Variants in CADM1 observed in about 807,000 individuals in gnomAD.
CADM1 encodes the protein cell adhesion molecule 1, also known as TSLC-1.
Under a neutral mutation model 53.1 loss-of-function variants are expected in CADM1, and 15 were observed. The observed-to-expected ratio is 0.28, with a 90% confidence interval of 0.19 to 0.44. The LOEUF is 0.44. CADM1 is among the 20% of genes least tolerant of loss of function. The pLI is 1.00. For synonymous variants in CADM1, 281 were observed against 243.0 expected (o/e 1.16, Z -1.45); for missense variants, 434 against 611.3 (o/e 0.71, Z 3.06).
At chr11:115,199,702 T>C (rs1244015802) in intron 8 of CADM1, among the ~76,000 whole-genome samples, 1 of 152,220 alleles carries the variant, frequency 6.6e-6, no homozygotes, top group Non-Finnish European at 1.5e-5. Context: ...CCCAGGCACA[T>C]TCCTTCTACG....
chr11:115,320,187 C>T (rs1340225316), intron 1 of CADM1, among the ~76,000 whole-genome samples: 2 of 152,070 alleles, frequency 1.3e-5, no homozygotes, highest in African/African-American at 4.8e-5. Flanking sequence ...CTCAGGCTCC[C>T]GAGCAGCTGG....
chr11:115,290,316 T>C (rs1364829162), intron 1 of CADM1, among the ~76,000 whole-genome samples: 1 of 152,200 alleles, frequency 6.6e-6, no homozygotes, highest in Non-Finnish European at 1.5e-5. Flanking sequence ...AGCAGGGTAT[T>C]TTTAAATTAG....
Position 115,174,781 on chromosome 11 carries a change from C to T in CADM1, c.*1693G>A. Reference sequence around the variant, plus strand: ...TATATAGATCTATCTTTTTTGATGCCATCTTTCCATAGGGACTGTTAGCTG... The same window carrying T: ...TATATAGATCTATCTTTTTTGATGCTATCTTTCCATAGGGACTGTTAGCTG... On this transcript the variant is annotated 3_prime_UTR_variant, in exon 12 of 12. Coordinates refer to ENST00000331581, the MANE Select transcript of CADM1 (RefSeq NM_001301043.2). The T allele has an allele frequency of 1.1e-6, 1 of 922,930 alleles. No individual in the cohort carries two copies. Among genetic ancestry groups the T allele is most frequent in the Non-Finnish European group, 1.3e-6 (1 of 773,492 alleles). 57.2% of individuals were successfully genotyped at this position (922,930 alleles called of 1,614,324 possible).
rs566995570 is a variant in CADM1, at chr11:115,184,035, G to A, written c.1166-5260C>T. Among the ~76,000 whole-genome samples the A allele has an allele frequency of 9.9e-5, 15 of 152,240 alleles. No homozygotes were observed. In the South Asian group the frequency reaches 2.1e-3, roughly 21 times the overall value. On this transcript the variant is annotated intron_variant, in intron 10 of 11. Coordinates refer to ENST00000331581, the MANE Select transcript of CADM1 (RefSeq NM_001301043.2). ...AGTTTAATTACAAACTCTCAGAATC[G>A]GTGTTTGTAATGGAAATGCTGCCTC...
At chr11:115,433,039 C>T (rs192403139) in intron 1 of CADM1, among the ~76,000 whole-genome samples, 126 of 152,266 alleles carry the variant, frequency 8.3e-4, no homozygotes, top group Non-Finnish European at 1.5e-3. Context: ...AGTTCAAGAT[C>T]CCTTTAATAG....
At chr11:115,326,246 A>G (rs1381253356) in intron 1 of CADM1, among the ~76,000 whole-genome samples, 1 of 152,210 alleles carries the variant, frequency 6.6e-6, no homozygotes, top group Non-Finnish European at 1.5e-5. Flanking sequence ...AATCATTATC[A>G]ACACTGATTT....
In CADM1 at chr11:115,238,488, T is replaced by C; in HGVS notation, c.424+12A>G. On this transcript the variant is annotated intron_variant, in intron 3 of 11. Coordinates refer to ENST00000331581, the MANE Select transcript of CADM1 (RefSeq NM_001301043.2). Reference sequence around the variant, plus strand: ...TCCATTTCCCCGGGTAAGCCCCACATGCGTTTCTTACCCAGGACTGTGATG... The same window carrying C: ...TCCATTTCCCCGGGTAAGCCCCACACGCGTTTCTTACCCAGGACTGTGATG... 3.7e-6 allele frequency: 6 copies of C among 1,613,742 alleles called. No homozygotes were observed. The highest frequency in any genetic ancestry group is 5.1e-6 in the Non-Finnish European group (6 of 1,179,698).
intron 1 of CADM1, among the ~76,000 whole-genome samples, chr11:115,502,480 C>T (rs1373657329): frequency 1.3e-5 from 2 of 151,978 alleles, no homozygotes; most frequent in African/African-American, 4.8e-5. Flanking sequence ...CTTTCAGGAA[C>T]ATTTTATTGA....
intron 1 of CADM1, among the ~76,000 whole-genome samples, chr11:115,329,217 G>A (rs1945066896): frequency 6.6e-6 from 1 of 152,074 alleles, no homozygotes. Flanking sequence ...TAATTAGAAA[G>A]TGTACCTGGA....
chr11:115,369,026 T>TAAAAAAAAAAAAAAAAAAAAAAAAAA (rs552309443), intron 1 of CADM1, among the ~76,000 whole-genome samples: 3 of 44,746 alleles, frequency 6.7e-5, no homozygotes, highest in South Asian at 1.3e-3. Context: ...AAAAAAAATC[T>TAAAAAAAAAAAAAAAAAAAAAAAAAA]AAAAAAAAAA....
chr11:115,504,277 G>T lies in CADM1; in HGVS notation c.118C>A (p.Pro40Thr). The T allele has an allele frequency of 6.4e-7, 1 of 1,572,614 alleles. No homozygotes were observed. The highest frequency in any genetic ancestry group is 2.4e-5 in the East Asian group (1 of 42,336). ...GGTCGGTGCCCACACCTACCTGTGG[G>T]GATCAGTGCCGCGGCGGAGAAGAGC... ...LLLFSAAALI[P>T]TGDGQNLFTK... The change falls in exon 1 of 12, where the codon CCC (proline) becomes ACC (threonine). Residue 40 changes from proline to threonine, a missense_variant. This residue lies in a region of CADM1 where 76 missense variants were observed against 59.8 expected (regional missense o/e 1.27). Transcript: ENST00000331581.
intron 1 of CADM1, among the ~76,000 whole-genome samples, chr11:115,419,319 T>A (rs1005561266): frequency 3.3e-5 from 5 of 152,200 alleles, no homozygotes; most frequent in Non-Finnish European, 7.3e-5. Context: ...CAGTGTTCAA[T>A]CCATCATACT....
At chr11:115,225,142 C>T (rs770972795) in intron 5 of CADM1, among the ~76,000 whole-genome samples, 7 of 152,096 alleles carry the variant, frequency 4.6e-5, no homozygotes, top group African/African-American at 7.2e-5. Flanking sequence ...ACTAAGAGAC[C>T]TACTGTATGT....
At chr11:115,246,971 G>C in intron 1 of CADM1, among the ~76,000 whole-genome samples, 1 of 151,916 alleles carries the variant, frequency 6.6e-6, no homozygotes, top group East Asian at 1.9e-4. Context: ...TAAAATTGTT[G>C]ATTTCCCCTG....
At chr11:115,257,437 T>C (rs1445782648) in intron 1 of CADM1, among the ~76,000 whole-genome samples, 1 of 152,232 alleles carries the variant, frequency 6.6e-6, no homozygotes, top group African/African-American at 2.4e-5. Flanking sequence ...CTGTCCAGAC[T>C]GGAAGCTTCC....
At chr11:115,425,091 CA>C (rs1295588733) in intron 1 of CADM1, among the ~76,000 whole-genome samples, 1 of 152,120 alleles carries the variant, frequency 6.6e-6, no homozygotes, top group East Asian at 1.9e-4. Context: ...CTACAAGAAA[CA>C]GGGCCGTACT....
At chr11:115,192,649 C>T (rs968568737) in intron 9 of CADM1, among the ~76,000 whole-genome samples, 3 of 152,202 alleles carry the variant, frequency 2.0e-5, no homozygotes, top group Non-Finnish European at 4.4e-5. Flanking sequence ...TACATATGTG[C>T]TTGGTGCCCA....
At chr11:115,204,909 C>A (rs1400690891) in intron 8 of CADM1, among the ~76,000 whole-genome samples, 1 of 151,968 alleles carries the variant, frequency 6.6e-6, no homozygotes, top group African/African-American at 2.4e-5. Flanking sequence ...ACTTAGATAC[C>A]AATAAGAAAA....
chr11:115,331,945 A>G lies in CADM1; in HGVS notation c.125-91525T>C, dbSNP rs184367955. ...CCCTGCGTGGGGAAGGATCTGATAGATTTCTTTATTCTACATACATTTATT... is the reference window on the plus strand; with the variant it reads ...CCCTGCGTGGGGAAGGATCTGATAGGTTTCTTTATTCTACATACATTTATT... On this transcript the variant is annotated intron_variant, in intron 1 of 11. Transcript: ENST00000331581. 3.7e-3 allele frequency among the ~76,000 whole-genome samples: 563 copies of G among 151,488 alleles called. 8 individuals carry two copies. The highest frequency in any genetic ancestry group is 5.3e-3 in the Non-Finnish European group (363 of 67,948).
Sources: gnomAD v4.1 joint callset for allele counts (sites outside exome capture counted in the v4.1 genomes callset) on GRCh38, gnomAD v4.1.1 for gene constraint, gnomAD v4.1.1 regional missense constraint, MANE v1.5 for transcripts, NCBI Gene and HGNC (gene_info 2026-07-23, HGNC 2026-07-21) for gene names.